MCTP2: variants seen among roughly 807,000 people sequenced by gnomAD.
The protein encoded by MCTP2 is multiple C2 and transmembrane domain containing 2.
Under a neutral mutation model 111.6 loss-of-function variants are expected in MCTP2, and 132 were observed. That is an observed-to-expected ratio of 1.18 (90% CI 1.03 to 1.37). The LOEUF (loss-of-function observed/expected upper bound fraction) is 1.37, where lower values mean the gene tolerates loss of function less well. MCTP2 is among the 40% of genes most tolerant of loss of function. The pLI is 0.00. For missense variants in MCTP2, 1,183 were observed against 1,067.9 expected (o/e 1.11, Z -1.50); for synonymous variants, 395 against 387.7 (o/e 1.02, Z -0.22).
At chr15:94,325,977 G>A (rs1006988894) in intron 4 of MCTP2, among the ~76,000 whole-genome samples, 3 of 151,800 alleles carry the variant, frequency 2.0e-5, no homozygotes, top group Admixed American at 1.3e-4. Context: ...GCGCCACCAT[G>A]CCCAGCTAAT....
intron 1 of MCTP2, among the ~76,000 whole-genome samples, chr15:94,233,194 GTT>G (rs1252277609): frequency 6.6e-6 from 1 of 152,082 alleles, no homozygotes; most frequent in African/African-American, 2.4e-5. Context: ...AGTGAGCACT[GTT>G]TTCATTGCAC....
intron 1 of MCTP2, among the ~76,000 whole-genome samples, chr15:94,234,188 G>C (rs1255227097): frequency 1.3e-5 from 2 of 152,196 alleles, no homozygotes; most frequent in Non-Finnish European, 2.9e-5. Context: ...GGTGATGAAG[G>C]AGGAGAGTAT....
At chr15:94,470,631 GAT>G (rs961573945) in intron 21 of MCTP2, among the ~76,000 whole-genome samples, 189 bp downstream of exon 21, 1 of 152,210 alleles carries the variant, frequency 6.6e-6, no homozygotes, top group African/African-American at 2.4e-5. Context: ...GATCAGCATA[GAT>G]ATTTATAGGC....
At chr15:94,425,106 T>A (rs975701228) in intron 17 of MCTP2, among the ~76,000 whole-genome samples, 6 of 152,206 alleles carry the variant, frequency 3.9e-5, no homozygotes, top group African/African-American at 9.6e-5. Flanking sequence ...AAATATTCTT[T>A]AATTTTGTTT....
intron 6 of MCTP2, 97 bp downstream of exon 6, chr15:94,340,372 A>G (rs2077570578): frequency 7.1e-6 from 6 of 847,226 alleles, no homozygotes; most frequent in Admixed American, 2.1e-5. Context: ...GACAAAAATA[A>G]CATATCTGAA....
intron 20 of MCTP2, among the ~76,000 whole-genome samples, chr15:94,464,409 A>ATCCTCTTATTTCATGTCC: frequency 4.7e-5 from 1 of 21,182 alleles, no homozygotes; most frequent in East Asian, 8.0e-4. Context: ...ATTTAATGTC[A>ATCCTCTTATTTCATGTCC]GTAAGATCTG....
rs777420935 is a variant in MCTP2, at chr15:94,399,938, G to T, written c.1908G>T (p.Arg636Ser). The T allele has an allele frequency of 2.5e-6, 4 of 1,613,848 alleles. No homozygotes were observed. In the East Asian group the frequency reaches 8.9e-5, roughly 36 times the overall value. The stretch of plus-strand genomic sequence containing the variant: ...TTTTCTAGGTGAAAGCAAGTATTAG[G>T]ACTTTTACTCCCCGGGAAAAGCGCT... Reference protein sequence around the residue: ...LIYNPVKASIRTFTPREKRFV... With the variant: ...LIYNPVKASISTFTPREKRFV... Residue 636 changes from arginine (R) to serine (S), a missense_variant, in exon 16 of 23, where the codon AGG (arginine) becomes AGT (serine). By Grantham distance (110) the Arg-to-Ser change is moderately radical. Transcript: ENST00000357742.
chr15:94,245,280 A>T (rs2071773882), intron 1 of MCTP2, among the ~76,000 whole-genome samples: 1 of 142,344 alleles, frequency 7.0e-6, no homozygotes, highest in Non-Finnish European at 1.5e-5. Flanking sequence ...ATATACGTAT[A>T]TACACATATG....
chr15:94,316,878 C>T (rs1486881039), intron 4 of MCTP2, among the ~76,000 whole-genome samples: 2 of 151,972 alleles, frequency 1.3e-5, no homozygotes, highest in Non-Finnish European at 1.5e-5. Context: ...CCTGTTGCTT[C>T]CTCTCTATTC....
At chr15:94,472,417 C>A (rs1385373467) in intron 21 of MCTP2, among the ~76,000 whole-genome samples, 1 of 152,078 alleles carries the variant, frequency 6.6e-6, no homozygotes, top group Non-Finnish European at 1.5e-5. Flanking sequence ...GACAAATACT[C>A]TATTTTCTCA....
At chr15:94,329,414 A>G (rs979363889) in intron 4 of MCTP2, among the ~76,000 whole-genome samples, 1 of 152,216 alleles carries the variant, frequency 6.6e-6, no homozygotes, top group African/African-American at 2.4e-5. Context: ...AAGAGCCGTC[A>G]TTGACGCATG....
intron 14 of MCTP2, among the ~76,000 whole-genome samples, chr15:94,390,762 C>A (rs1319866747): frequency 8.3e-6 from 1 of 119,948 alleles, no homozygotes; most frequent in African/African-American, 3.3e-5. Context: ...TGGAGTCTTG[C>A]TCTGTTGCCT....
At chr15:94,359,654 G>A (rs1032696478) in intron 10 of MCTP2, among the ~76,000 whole-genome samples, 1 of 152,124 alleles carries the variant, frequency 6.6e-6, no homozygotes. Flanking sequence ...GAAAACTAAA[G>A]ATTGAAAACC....
At chr15:94,302,740 G>C (rs750050897) in intron 2 of MCTP2, among the ~76,000 whole-genome samples, 5 of 152,302 alleles carry the variant, frequency 3.3e-5, no homozygotes, top group Admixed American at 2.0e-4. Context: ...CCAAACATCT[G>C]TGAATAATGG....
intron 1 of MCTP2, among the ~76,000 whole-genome samples, chr15:94,233,592 G>A (rs1389873418): frequency 6.6e-6 from 1 of 151,954 alleles, no homozygotes; most frequent in African/African-American, 2.4e-5. Flanking sequence ...GTAAACCTGT[G>A]CTCACACACG....
chr15:94,266,955 T>C (rs1487709460), intron 1 of MCTP2, among the ~76,000 whole-genome samples: 1 of 152,178 alleles, frequency 6.6e-6, no homozygotes, highest in Non-Finnish European at 1.5e-5. Context: ...CTTGTTCACA[T>C]TGACTGGGCT....
chr15:94,336,739 A>G (rs7402152), intron 4 of MCTP2, among the ~76,000 whole-genome samples: 1 of 149,784 alleles, frequency 6.7e-6, no homozygotes, highest in Non-Finnish European at 1.5e-5. Flanking sequence ...ATGTGCATAT[A>G]TGTGTGTGTA....
intron 2 of MCTP2, among the ~76,000 whole-genome samples, chr15:94,305,375 G>A (rs748551963): frequency 3.3e-5 from 5 of 152,126 alleles, no homozygotes; most frequent in Non-Finnish European, 5.9e-5. Context: ...TTTTAGCCTC[G>A]GAGGACGATC....
At chr15:94,360,110 C>G (rs2078844485) in intron 10 of MCTP2, among the ~76,000 whole-genome samples, 1 of 152,136 alleles carries the variant, frequency 6.6e-6, no homozygotes, top group Non-Finnish European at 1.5e-5. Flanking sequence ...CCAAACACCC[C>G]TAGGGGACCA....
Sources: gnomAD v4.1 joint callset for allele counts (sites outside exome capture counted in the v4.1 genomes callset) on GRCh38, gnomAD v4.1.1 for gene constraint, MANE v1.5 for transcripts, NCBI Gene and HGNC (gene_info 2026-07-23, HGNC 2026-07-21) for gene names.